The following FAM180B variants were observed in gnomAD, a reference collection of about 807,000 sequenced individuals.
FAM180B encodes protein FAM180B.
In FAM180B, 14 loss-of-function variants were observed where a neutral mutation model predicts 13.6. The ratio of observed to expected loss-of-function variants is 1.03; its 90% CI spans 0.68 to 1.60. FAM180B has a LOEUF of 1.60. FAM180B is among the 40% of genes most tolerant of loss of function. The pLI is 0.00. For missense variants in FAM180B, 212 were observed against 230.4 expected (o/e 0.92, Z 0.52); for synonymous variants, 109 against 97.0 (o/e 1.12, Z -0.72).
In FAM180B at chr11:47,586,847, C is replaced by T. The variant is rs1272759037; in HGVS notation, c.79C>T (p.His27Tyr). ...CTCTGGTGTGACTACAACCCAGCCC[C>T]ATGCAGGTACCAGGCTTCAGGGTGG... ...LLSGVTTTQP[H>Y]AGQPMDSTSV... The change falls in exon 1 of 3, where the codon CAT (histidine) becomes TAT (tyrosine). Residue 27 changes from histidine to tyrosine, a missense_variant. Transcript: ENST00000538490. 4 of 1,536,314 alleles carry T rather than the reference C, an allele frequency of 2.6e-6. No individual in the cohort carries two copies. Among genetic ancestry groups the T allele is most frequent in the Non-Finnish European group, 3.5e-6 (4 of 1,146,044 alleles).
rs1324771135 is a variant in FAM180B at position 47,586,819 on chromosome 11, C to T, written c.51C>T (p.Leu17=). The T allele has an allele frequency of 6.5e-7, 1 of 1,537,202 alleles. No individual in the cohort carries two copies. Among genetic ancestry groups the T allele is most frequent in the Admixed American group, 2.0e-5 (1 of 50,998 alleles). Residue 17 remains leucine, a synonymous_variant, in exon 1 of 3, where the codon CTC becomes CTT. Coordinates refer to ENST00000538490, the MANE Select transcript of FAM180B (RefSeq NM_001164379.3). Reference sequence around the variant, plus strand: ...TTTGCCTGGTGGTAGCCATTTGTCTCCTCTCTGGTGTGACTACAACCCAGC... The same window carrying T: ...TTTGCCTGGTGGTAGCCATTTGTCTTCTCTCTGGTGTGACTACAACCCAGC... ...FLVCLVVAIC[L]LSGVTTTQPH... is the part of the protein sequence containing the mutation.
chr11:47,586,963 A>G (rs1018206753), intron 1 of FAM180B, 110 bp downstream of exon 1: 2 of 737,376 alleles, frequency 2.7e-6, no homozygotes, highest in Non-Finnish European at 4.6e-6. Context: ...CATGGTGGGT[A>G]CCAGGCTGAT....
Position 47,588,762 on chromosome 11 carries a change from C to A in FAM180B, c.*328C>A. 1 of 179,314 alleles carries A rather than the reference C, an allele frequency of 5.6e-6. No individual in the cohort carries two copies. Among genetic ancestry groups the A allele is most frequent in the South Asian group, 1.4e-4 (1 of 7,238 alleles). 11.1% of individuals were successfully genotyped at this position (179,314 alleles called of 1,614,324 possible). ...TGTGTGTGTGTGTGTGTGTGGAGAT[C>A]AGGGGTCAGGGTTGAGAAGTGTGTT... On this transcript the variant is annotated 3_prime_UTR_variant, in exon 3 of 3. Transcript: ENST00000538490.
rs1393614826 is a variant in FAM180B at position 47,586,813 on chromosome 11, T to C, written c.45T>C (p.Ile15=). 3 of 1,537,090 alleles carry C rather than the reference T, an allele frequency of 2.0e-6. No individual in the cohort carries two copies. Among genetic ancestry groups the C allele is most frequent in the South Asian group, 1.2e-5 (1 of 84,056 alleles). Residue 15 remains isoleucine (I), a synonymous_variant, in exon 1 of 3, where the codon ATT becomes ATC. Coordinates refer to ENST00000538490, the MANE Select transcript of FAM180B (RefSeq NM_001164379.3). ...LQFLVCLVVA[I]CLLSGVTTTQ... ...TCCTGGTTTGCCTGGTGGTAGCCAT[T>C]TGTCTCCTCTCTGGTGTGACTACAA...
In FAM180B at chr11:47,588,707, A is replaced by T. The variant is rs2097273218; in HGVS notation, c.*273A>T. ...AGAGCTAAGGGCACGACTTGCAGGC[A>T]GTGTGTGTGTGAGTGTGTGTGTGTG... On this transcript the variant is annotated 3_prime_UTR_variant, in exon 3 of 3. Transcript: ENST00000538490. 5.6e-6 allele frequency: 2 copies of T among 359,286 alleles called. No homozygotes were observed. The highest frequency in any genetic ancestry group is 9.9e-6 in the Non-Finnish European group (2 of 202,172). The allele number at this position is 359,286 out of a possible 1,614,324, so 22.3% of individuals were successfully genotyped here.
chr11:47,586,704 G>A lies in FAM180B; in HGVS notation c.-65G>A, dbSNP rs1598808868. 1 of 1,195,138 alleles carries A rather than the reference G, an allele frequency of 8.4e-7. No individual in the cohort carries two copies. Among genetic ancestry groups the A allele is most frequent in the Non-Finnish European group, 1.2e-6 (1 of 834,304 alleles). The allele number at this position is 1,195,138 out of a possible 1,614,324, so 74.0% of individuals were successfully genotyped here. A position where few individuals can be genotyped will look rare whatever the true frequency, so the allele number is the denominator to read the frequency against. ...CAGTGGAAAGTTGGAGCTGAGGTGTGTGGCAGGCAGATGAGGGAGCAGAGA... is the reference window on the plus strand; with the variant it reads ...CAGTGGAAAGTTGGAGCTGAGGTGTATGGCAGGCAGATGAGGGAGCAGAGA... On this transcript the variant is annotated 5_prime_UTR_variant, in exon 1 of 3. In the 5' UTR this introduces an upstream ATG that the reference lacks. Coordinates refer to ENST00000538490, the MANE Select transcript of FAM180B (RefSeq NM_001164379.3).
rs146171408 is a variant in FAM180B, at chr11:47,588,717, T to TGAGA, written c.*286_*287insAGAG. ...GCACGACTTGCAGGCAGTGTGTGTG[T>TGAGA]GAGTGTGTGTGTGTGTGTGTGTGTG... On this transcript the variant is annotated 3_prime_UTR_variant, in exon 3 of 3. Coordinates refer to ENST00000538490, the MANE Select transcript of FAM180B (RefSeq NM_001164379.3). The TGAGA allele has an allele frequency of 5.8e-4, 75 of 130,066 alleles. No homozygotes were observed. The highest frequency in any genetic ancestry group is 1.6e-3 in the Admixed American group (11 of 7,012). The allele number at this position is 130,066 out of a possible 1,614,324, so 8.1% of individuals were successfully genotyped here.
chr11:47,588,212 G>A lies in FAM180B; in HGVS notation c.330G>A (p.Gly110=). 1.3e-6 allele frequency: 2 copies of A among 1,537,090 alleles called. No individual in the cohort carries two copies. The highest frequency in any genetic ancestry group is 1.2e-5 in the South Asian group (1 of 84,058). Residue 110 remains glycine (G), a synonymous_variant, in exon 3 of 3, where the codon GGG becomes GGA. Coordinates refer to ENST00000538490, the MANE Select transcript of FAM180B (RefSeq NM_001164379.3). ...WLQQLQDLRK[G]PPLSTWDFEH... is the part of the protein sequence containing the mutation. Reference sequence around the variant, plus strand: ...AGCAGCTCCAGGACCTGCGGAAGGGGCCTCCTCTTAGCACTTGGGACTTTG... The same window carrying A: ...AGCAGCTCCAGGACCTGCGGAAGGGACCTCCTCTTAGCACTTGGGACTTTG...
In FAM180B at chr11:47,588,930, T is replaced by C. The variant is rs112897173; in HGVS notation, c.*496T>C. The C allele has an allele frequency of 1.9e-3, 294 of 152,230 alleles. 1 individual carries two copies. The highest frequency in any genetic ancestry group is 0.014 in the Middle Eastern group (4 of 294). 9.4% of individuals were successfully genotyped at this position (152,230 alleles called of 1,614,324 possible). ...TCCCCTTTTAGGCACAACCAAGGAT[T>C]TGGGGTCTCTGAGCCTCCAAGTTCC... On this transcript the variant is annotated 3_prime_UTR_variant, in exon 3 of 3. Coordinates refer to ENST00000538490, the MANE Select transcript of FAM180B (RefSeq NM_001164379.3).
chr11:47,588,456 C>T lies in FAM180B; in HGVS notation c.*22C>T, dbSNP rs1044996590. ...CTGACCCTCCTCTTTTGTTCTTTCACCTGCCATTACCCCCTCCCATCTCCT... is the reference window on the plus strand; with the variant it reads ...CTGACCCTCCTCTTTTGTTCTTTCATCTGCCATTACCCCCTCCCATCTCCT... On this transcript the variant is annotated 3_prime_UTR_variant, in exon 3 of 3. Coordinates refer to ENST00000538490, the MANE Select transcript of FAM180B (RefSeq NM_001164379.3). The T allele has an allele frequency of 1.4e-6, 2 of 1,390,278 alleles. No individual in the cohort carries two copies. The highest frequency in any genetic ancestry group is 1.4e-5 in the African/African-American group (1 of 69,724). 86.1% of individuals were successfully genotyped at this position (1,390,278 alleles called of 1,614,324 possible). A position where few individuals can be genotyped will look rare whatever the true frequency, so the allele number is the denominator to read the frequency against.
At chr11:47,587,421 G>C (rs2153795739) in intron 1 of FAM180B, among the ~76,000 whole-genome samples, 1 of 152,334 alleles carries the variant, frequency 6.6e-6, no homozygotes, top group South Asian at 2.1e-4. Context: ...GGAGGAGGGT[G>C]GGGAAGGGTC....
At chr11:47,587,699 G>T in intron 1 of FAM180B, 52 bp from the exon 2 acceptor site, 2 of 1,303,790 alleles carry the variant, frequency 1.5e-6, no homozygotes, top group Non-Finnish European at 2.1e-6. Context: ...TGGGAGGCTG[G>T]GGTGTTCATG....
rs1232286090 is a variant in FAM180B at position 47,588,410 on chromosome 11, C to T, written c.528C>T (p.Ala176=). ...GGCCCCCTTCCCTGGGGTCCTGGGC[C>T]TCCATCCTTGACCCCTTCCCCTGAC... ...QDRPPSLGSW[A]SILDPFP is the part of the protein sequence containing the mutation. The change falls in exon 3 of 3, where the codon GCC becomes GCT. Residue 176 remains alanine, a synonymous_variant. Coordinates refer to ENST00000538490, the MANE Select transcript of FAM180B (RefSeq NM_001164379.3). 6 of 1,510,024 alleles carry T rather than the reference C, an allele frequency of 4.0e-6. No homozygotes were observed. The highest frequency in any genetic ancestry group is 2.5e-5 in the East Asian group (1 of 40,336). 93.5% of individuals were successfully genotyped at this position (1,510,024 alleles called of 1,614,324 possible).
At chr11:47,587,845 TG>T (rs1422819254) in intron 2 of FAM180B, 24 bp downstream of exon 2, 1 of 1,518,210 alleles carries the variant, frequency 6.6e-7, no homozygotes, top group African/African-American at 1.4e-5. Context: ...GCCTGGGACA[TG>T]GGGGTGGGCA....
intron 2 of FAM180B, 53 bp downstream of exon 2, chr11:47,587,874 G>A (rs2097272512): frequency 6.8e-7 from 1 of 1,468,826 alleles, no homozygotes; most frequent in African/African-American, 1.4e-5. Context: ...AGGTCCCTAA[G>A]CTCAGGGTTG....
rs1251477043 is a variant in FAM180B, at chr11:47,588,103, C to T, written c.221C>T (p.Ala74Val). 1.4e-5 allele frequency: 22 copies of T among 1,536,998 alleles called. No homozygotes were observed. The highest frequency in any genetic ancestry group is 2.7e-5 in the African/African-American group (2 of 73,032). ...GQLHIQDEEL[A>V]STHPGRRLRL... Reference sequence around the variant, plus strand: ...CTGCACATCCAGGATGAGGAACTAGCGTCCACACACCCAGGCCGCCGACTC... The same window carrying T: ...CTGCACATCCAGGATGAGGAACTAGTGTCCACACACCCAGGCCGCCGACTC... The change falls in exon 3 of 3, where the codon GCG (alanine) becomes GTG (valine). Residue 74 changes from alanine (A) to valine (V), a missense_variant. Transcript: ENST00000538490.
At position 47,588,719 on chromosome 11, in the gene FAM180B, AGT is replaced by A. The variant is rs58699057; in HGVS notation, c.*321_*322del. ...ACGACTTGCAGGCAGTGTGTGTGTG[AGT>A]GTGTGTGTGTGTGTGTGTGTGTGTG... On this transcript the variant is annotated 3_prime_UTR_variant, in exon 3 of 3. Transcript: ENST00000538490. 38,842 of 213,384 alleles carry A rather than the reference AGT, an allele frequency of 0.18. 6,540 individuals are homozygous for A. The highest frequency in any genetic ancestry group is 0.35 in the African/African-American group (13,752 of 39,392). The allele number at this position is 213,384 out of a possible 1,614,324, so 13.2% of individuals were successfully genotyped here. A position where few individuals can be genotyped will look rare whatever the true frequency, so the allele number is the denominator to read the frequency against.
rs141304714 is a variant in FAM180B at position 47,587,769 on chromosome 11, C to G, written c.104C>G (p.Thr35Ser). 215 of 1,533,456 alleles carry G rather than the reference C, an allele frequency of 1.4e-4. 3 individuals are homozygous for G. The African/African-American group carries it at 2.4e-3, about 17-fold the overall frequency. 95.0% of individuals were successfully genotyped at this position (1,533,456 alleles called of 1,614,324 possible). Reference sequence around the variant, plus strand: ...GCCCCAGGGCAGCCCATGGACAGCACCAGCGTGGGAGGTGGCCTGCAGGAG... The same window carrying G: ...GCCCCAGGGCAGCCCATGGACAGCAGCAGCGTGGGAGGTGGCCTGCAGGAG... ...QPHAGQPMDS[T>S]SVGGGLQEPE... is the part of the protein sequence containing the mutation. The change falls in exon 2 of 3, where the codon ACC (threonine) becomes AGC (serine). Residue 35 changes from threonine to serine, a missense_variant. Physicochemically the swap from Thr to Ser is moderately conservative, Grantham distance 58 (BLOSUM62 1). Coordinates refer to ENST00000538490, the MANE Select transcript of FAM180B (RefSeq NM_001164379.3).
chr11:47,588,159 G>A lies in FAM180B; in HGVS notation c.277G>A (p.Asp93Asn), dbSNP rs2097272744. Reference sequence around the variant, plus strand: ...CCTCCTGCAGCACCACGTGCCCAGTGACTTGGAGGGCACTGAGCAGTGGCT... The same window carrying A: ...CCTCCTGCAGCACCACGTGCCCAGTAACTTGGAGGGCACTGAGCAGTGGCT... The part of the protein sequence containing the change: ...RLLLQHHVPS[D>N]LEGTEQWLQQ... The change falls in exon 3 of 3, where the codon GAC becomes AAC. Residue 93 changes from aspartate (D) to asparagine (N), a missense_variant. Coordinates refer to ENST00000538490, the MANE Select transcript of FAM180B (RefSeq NM_001164379.3). 6.5e-7 allele frequency: 1 copy of A among 1,537,082 alleles called. No homozygotes were observed. Among genetic ancestry groups the A allele is most frequent in the East Asian group, 2.4e-5 (1 of 40,914 alleles).
Sources: allele counts gnomAD v4.1 joint callset (sites outside exome capture counted in the v4.1 genomes callset), GRCh38; gene constraint gnomAD v4.1.1; transcripts MANE v1.5; gene names NCBI Gene and HGNC (gene_info 2026-07-23, HGNC 2026-07-21).